The following CAMKMT variants were observed in gnomAD, a reference collection of about 807,000 sequenced individuals.
CAMKMT encodes CaM KMT.
CAMKMT carries 53 observed loss-of-function variants against 48.0 expected under a neutral mutation model. The observed-to-expected ratio is 1.10, with a 90% CI of 0.89 to 1.39. The LOEUF (loss-of-function observed/expected upper bound fraction) is 1.39. Among genes scored for constraint, CAMKMT ranks in the 40% most tolerant of loss-of-function variants. The pLI is 0.00. For synonymous variants in CAMKMT, 165 were observed against 152.3 expected, an observed-to-expected ratio of 1.08 and a Z score of -0.61; for missense variants, 428 against 402.7, an observed-to-expected ratio of 1.06 and a Z score of -0.54.
At chr2:44,548,662 G>A (rs1264899606) in intron 3 of CAMKMT, among the ~76,000 whole-genome samples, 1 of 152,172 alleles carries the variant, frequency 6.6e-6, no homozygotes, top group Non-Finnish European at 1.5e-5. Flanking sequence ...GTCAGAGACG[G>A]GAAGTCAGAG....
intron 3 of CAMKMT, among the ~76,000 whole-genome samples, chr2:44,597,729 T>G (rs1316188521): frequency 6.6e-6 from 1 of 152,128 alleles, no homozygotes; most frequent in Non-Finnish European, 1.5e-5. Context: ...TTATTATTTT[T>G]TGTTTGTTTG....
At chr2:44,540,159 C>CATATATATATATATGTACATACAT (rs34285842) in intron 3 of CAMKMT, among the ~76,000 whole-genome samples, 3 of 149,764 alleles carry the variant, frequency 2.0e-5, no homozygotes, top group African/African-American at 2.5e-5. Context: ...TATGTATATA[C>CATATATATATATATGTACATACAT]ATATATATAT....
chr2:44,728,315 A>G (rs1321265074), intron 7 of CAMKMT, among the ~76,000 whole-genome samples: 1 of 152,066 alleles, frequency 6.6e-6, no homozygotes, highest in African/African-American at 2.4e-5. Context: ...GCTAGATTCA[A>G]TTTGCTAGTA....
chr2:44,489,481 G>C (rs1669380358), intron 3 of CAMKMT, among the ~76,000 whole-genome samples: 1 of 152,022 alleles, frequency 6.6e-6, no homozygotes, highest in African/African-American at 2.4e-5. Context: ...CCTGAACTCA[G>C]ATGATCCACC....
chr2:44,695,231 A>G (rs1027392398), intron 3 of CAMKMT, among the ~76,000 whole-genome samples: 2 of 152,176 alleles, frequency 1.3e-5, no homozygotes, highest in African/African-American at 4.8e-5. Context: ...GATAAATTGC[A>G]TGTCACGGAG....
At chr2:44,439,839 T>C (rs898809157) in intron 3 of CAMKMT, among the ~76,000 whole-genome samples, 1 of 151,620 alleles carries the variant, frequency 6.6e-6, no homozygotes, top group Admixed American at 6.6e-5. Flanking sequence ...GAAATGCCGA[T>C]ATGCTGGGAG....
intron 3 of CAMKMT, among the ~76,000 whole-genome samples, chr2:44,455,624 C>T (rs1667522585): frequency 1.3e-5 from 2 of 152,152 alleles, no homozygotes; most frequent in Non-Finnish European, 1.5e-5. Context: ...AGCTTGACTG[C>T]CTGGGCTTAA....
chr2:44,762,502 T>A (rs76257122), intron 9 of CAMKMT, among the ~76,000 whole-genome samples: 1 of 152,216 alleles, frequency 6.6e-6, no homozygotes, highest in Middle Eastern at 3.4e-3. Flanking sequence ...TTAAAATAAA[T>A]CTGAAGCTGG....
At chr2:44,624,778 A>G (rs1161961202) in intron 3 of CAMKMT, among the ~76,000 whole-genome samples, 2 of 152,142 alleles carry the variant, frequency 1.3e-5, no homozygotes, top group Admixed American at 6.5e-5. Flanking sequence ...TAGTGCCGCA[A>G]TAAATATACC....
chr2:44,581,433 A>T (rs1669556535), intron 3 of CAMKMT, among the ~76,000 whole-genome samples: 1 of 152,208 alleles, frequency 6.6e-6, no homozygotes, highest in Admixed American at 6.5e-5. Flanking sequence ...AGTTTGTTAT[A>T]TTCTACTGCT....
intron 3 of CAMKMT, among the ~76,000 whole-genome samples, chr2:44,531,765 T>C (rs540095762): frequency 2.0e-5 from 3 of 152,216 alleles, no homozygotes; most frequent in Non-Finnish European, 4.4e-5. Flanking sequence ...TCTCATGATA[T>C]TACACTTGTA....
At chr2:44,684,174 T>C (rs1051736251) in intron 3 of CAMKMT, among the ~76,000 whole-genome samples, 1 of 152,220 alleles carries the variant, frequency 6.6e-6, no homozygotes, top group Non-Finnish European at 1.5e-5. Context: ...AAATCTGTTT[T>C]CTGTCCTGAG....
At chr2:44,413,542 C>G (rs187173442) in intron 3 of CAMKMT, among the ~76,000 whole-genome samples, 1 of 151,380 alleles carries the variant, frequency 6.6e-6, no homozygotes, top group African/African-American at 2.4e-5. Flanking sequence ...ATCCTAGCTT[C>G]TTGGGAGGCT....
intron 3 of CAMKMT, among the ~76,000 whole-genome samples, chr2:44,403,474 A>G (rs1327450545): frequency 2.0e-5 from 3 of 152,188 alleles, no homozygotes; most frequent in African/African-American, 7.2e-5. Context: ...TAGATTTTCA[A>G]CAAATTCTTC....
chr2:44,463,548 G>T (rs909971876), intron 3 of CAMKMT, among the ~76,000 whole-genome samples: 10 of 152,162 alleles, frequency 6.6e-5, no homozygotes, highest in Non-Finnish European at 8.8e-5. Context: ...TTGGGTGGGA[G>T]TTGGGCTGCC....
At chr2:44,659,081 T>TG (rs1553433561) in intron 3 of CAMKMT, among the ~76,000 whole-genome samples, 2 of 140,142 alleles carry the variant, frequency 1.4e-5, no homozygotes, top group African/African-American at 6.1e-5. Flanking sequence ...TGTAGTTTTT[T>TG]TTTTTTTTTT....
intron 3 of CAMKMT, among the ~76,000 whole-genome samples, chr2:44,479,931 CT>C (rs1217410175): frequency 7.2e-5 from 11 of 152,096 alleles, no homozygotes; most frequent in East Asian, 1.9e-4. Flanking sequence ...ATGATGTAAA[CT>C]TTTTTTTCTT....
intron 3 of CAMKMT, among the ~76,000 whole-genome samples, chr2:44,496,870 G>C (rs150929605): frequency 7.5e-4 from 114 of 152,240 alleles, no homozygotes; most frequent in African/African-American, 2.6e-3. Flanking sequence ...TTACTTGTAG[G>C]TAAAAACGTT....
chr2:44,725,723 G>A (rs1009554578), intron 7 of CAMKMT, among the ~76,000 whole-genome samples: 9 of 152,320 alleles, frequency 5.9e-5, no homozygotes, highest in African/African-American at 2.2e-4. Flanking sequence ...GTGATAAATA[G>A]AGAGAGGCTA....
Sources: gnomAD v4.1 joint callset for allele counts (sites outside exome capture counted in the v4.1 genomes callset) on GRCh38, gnomAD v4.1.1 for gene constraint, MANE v1.5 for transcripts, NCBI Gene and HGNC (gene_info 2026-07-23, HGNC 2026-07-21) for gene names.